The following PHF24 variants were observed in gnomAD, a reference collection of about 807,000 sequenced individuals.
PHF24 encodes the protein Galpha inhibitory interacting protein.
In PHF24, 25 loss-of-function variants were observed where a neutral mutation model predicts 42.6. That is an observed-to-expected ratio of 0.59 (90% CI 0.43 to 0.82). The LOEUF (loss-of-function observed/expected upper bound fraction) is 0.82, where lower values mean the gene tolerates loss of function less well. Among genes scored for constraint, PHF24 ranks in the 40% least tolerant of loss-of-function variants. The pLI, the probability that PHF24 is intolerant of heterozygous loss-of-function variation, is 0.00. For missense variants in PHF24, 470 were observed against 538.1 expected, an observed-to-expected ratio of 0.87 and a Z score of 1.25; for synonymous variants, 185 against 204.8, an observed-to-expected ratio of 0.90 and a Z score of 0.83.
At chr9:34,686,294 T>C in the PHF24 span, among the ~76,000 whole-genome samples, 1 of 152,112 alleles carries the variant, frequency 6.6e-6, no homozygotes, top group South Asian at 2.1e-4. Flanking sequence ...GGGAGTGACA[T>C]GGAGCTTGCC....
chr9:34,792,508 T>C, the PHF24 span, among the ~76,000 whole-genome samples: 3 of 152,092 alleles, frequency 2.0e-5, no homozygotes, highest in African/African-American at 4.8e-5. Context: ...CTGTCTCTAC[T>C]AAAAATACAA....
chr9:34,717,151 C>T, the PHF24 span, among the ~76,000 whole-genome samples: 1 of 152,150 alleles, frequency 6.6e-6, no homozygotes. Context: ...GGATCACACC[C>T]ACCAGCATTA....
chr9:34,680,099 G>A, the PHF24 span, among the ~76,000 whole-genome samples: 5 of 152,160 alleles, frequency 3.3e-5, no homozygotes, highest in African/African-American at 1.2e-4. Context: ...TACAAGGCTG[G>A]GTGCAGTGGC....
chr9:34,835,467 C>G, the PHF24 span: 4 of 1,551,758 alleles, frequency 2.6e-6, no homozygotes, highest in East Asian at 9.8e-5. Flanking sequence ...GCAGGGAGGA[C>G]CATATGCAAG....
At chr9:34,694,253 T>A in the PHF24 span, among the ~76,000 whole-genome samples, 1 of 138,244 alleles carries the variant, frequency 7.2e-6, no homozygotes, top group Non-Finnish European at 1.5e-5. Flanking sequence ...AACTGCAGCC[T>A]CTGCCTCCTA....
the PHF24 span, among the ~76,000 whole-genome samples, chr9:34,909,502 T>G: frequency 2.0e-5 from 3 of 152,016 alleles, no homozygotes; most frequent in Admixed American, 6.6e-5. Context: ...TCTTGTATGC[T>G]TCTCTGTCTG....
chr9:34,928,071 C>T, the PHF24 span, among the ~76,000 whole-genome samples: 1 of 151,992 alleles, frequency 6.6e-6, no homozygotes, highest in Admixed American at 6.6e-5. Flanking sequence ...CAAAAATTAG[C>T]CAGGCATGGT....
At chr9:34,683,142 C>G in the PHF24 span, among the ~76,000 whole-genome samples, 4 of 151,982 alleles carry the variant, frequency 2.6e-5, no homozygotes, top group Non-Finnish European at 5.9e-5. Context: ...CTCACTGCAA[C>G]CTTTGCCTCC....
chr9:34,764,617 C>A, the PHF24 span, among the ~76,000 whole-genome samples: 5 of 152,050 alleles, frequency 3.3e-5, no homozygotes, highest in Non-Finnish European at 7.4e-5. Context: ...TGCTAGCGGT[C>A]TATCAATTTT....
chr9:34,868,445 T>G, the PHF24 span, among the ~76,000 whole-genome samples: 1 of 152,224 alleles, frequency 6.6e-6, no homozygotes, highest in African/African-American at 2.4e-5. Flanking sequence ...GAACACCCTG[T>G]GGTTGCTTCC....
the PHF24 span, among the ~76,000 whole-genome samples, chr9:34,915,222 C>T: frequency 1.1e-4 from 16 of 151,732 alleles, no homozygotes; most frequent in South Asian, 2.1e-4. Flanking sequence ...TTTGTAGAGA[C>T]GGGGTTTCAC....
intron 1 of PHF24, among the ~76,000 whole-genome samples, chr9:34,959,425 A>G (rs913452259): frequency 6.6e-6 from 1 of 152,224 alleles, no homozygotes; most frequent in Non-Finnish European, 1.5e-5. Context: ...AATTTGCCCA[A>G]GGTCACAAAG....
chr9:34,812,908 T>C, the PHF24 span, among the ~76,000 whole-genome samples: 5 of 152,358 alleles, frequency 3.3e-5, no homozygotes, highest in Middle Eastern at 3.4e-3. Flanking sequence ...TGCTTCCATT[T>C]TCAGAAGTTT....
the PHF24 span, among the ~76,000 whole-genome samples, chr9:34,714,134 AGAGACCTTAAGGCT>A: frequency 6.6e-6 from 1 of 152,154 alleles, no homozygotes; most frequent in Admixed American, 6.5e-5. Context: ...TTCAGACTCA[AGAGACCTTAAGGCT>A]GAGACCTTAA....
intron 7 of PHF24, 53 bp from the exon 8 acceptor site, chr9:34,977,962 G>A (rs908335613): frequency 7.3e-7 from 1 of 1,378,462 alleles, no homozygotes; most frequent in Non-Finnish European, 1.0e-6. Flanking sequence ...TGGGATCAGG[G>A]CTCACGTGTC....
the PHF24 span, among the ~76,000 whole-genome samples, chr9:34,789,315 T>C: frequency 2.0e-5 from 3 of 152,336 alleles, no homozygotes; most frequent in South Asian, 6.2e-4. Context: ...TCTCCAAATA[T>C]ACTCTCTGCT....
intron 5 of PHF24, 140 bp from the exon 6 acceptor site, chr9:34,976,943 C>G: frequency 9.7e-7 from 1 of 1,028,416 alleles, no homozygotes; most frequent in Non-Finnish European, 1.4e-6. Context: ...CTGGGCCGCA[C>G]TGGAAGTGCT....
chr9:34,938,192 G>C, the PHF24 span, among the ~76,000 whole-genome samples: 1 of 152,186 alleles, frequency 6.6e-6, no homozygotes, highest in Non-Finnish European at 1.5e-5. Flanking sequence ...TCTAGCATAT[G>C]GTCTCTTATA....
At chr9:34,727,077 A>C in the PHF24 span, 1 of 1,472,518 alleles carries the variant, frequency 6.8e-7, no homozygotes, top group East Asian at 2.5e-5. Flanking sequence ...CTCCTTTCCC[A>C]GTCCTGAAAA....
Sources: gnomAD v4.1 joint callset for allele counts (sites outside exome capture counted in the v4.1 genomes callset) on GRCh38, gnomAD v4.1.1 for gene constraint, MANE v1.5 for transcripts, NCBI Gene and HGNC (gene_info 2026-07-23, HGNC 2026-07-21) for gene names.